The following PINX1 variants were observed in gnomAD, a reference collection of about 807,000 sequenced individuals.
PINX1 encodes the protein PIN2/TERF1-interacting telomerase inhibitor 1.
Under a neutral mutation model 25.4 loss-of-function variants are expected in PINX1, and 34 were observed. That is an observed-to-expected ratio of 1.34 (90% CI 1.02 to 1.78). PINX1 has a LOEUF of 1.78. Among genes scored for constraint, PINX1 ranks in the 40% most tolerant of loss-of-function variants. The probability of loss-of-function intolerance (pLI) is 0.00; values close to 1 mark genes in which losing one functional copy is unlikely to be tolerated. For missense variants in PINX1, 592 were observed against 404.9 expected, an observed-to-expected ratio of 1.46 and a Z score of -3.97; for synonymous variants, 197 against 147.7, an observed-to-expected ratio of 1.33 and a Z score of -2.42.
chr8:10,776,380 G>C (rs190979651), intron 6 of PINX1, among the ~76,000 whole-genome samples: 1 of 151,962 alleles, frequency 6.6e-6, no homozygotes, highest in Non-Finnish European at 1.5e-5. Flanking sequence ...AGCCGAAGTC[G>C]TGCCACTGCA....
intron 6 of PINX1, among the ~76,000 whole-genome samples, chr8:10,791,160 C>T (rs1381976876): frequency 6.6e-6 from 1 of 152,212 alleles, no homozygotes; most frequent in Admixed American, 6.5e-5. Flanking sequence ...GATCTGCCTG[C>T]CTCAGCCTTC....
At chr8:10,817,641 C>T (rs189622449) in intron 6 of PINX1, among the ~76,000 whole-genome samples, 54 of 152,286 alleles carry the variant, frequency 3.5e-4, no homozygotes, top group South Asian at 2.1e-3. Context: ...ACTGCCTAGA[C>T]GCGACCTCCT....
intron 4 of PINX1, among the ~76,000 whole-genome samples, chr8:10,828,192 T>C (rs1798115547): frequency 6.6e-6 from 1 of 152,220 alleles, no homozygotes; most frequent in Non-Finnish European, 1.5e-5. Context: ...AAACATTCTC[T>C]TCTGCAGCCA....
intron 6 of PINX1, among the ~76,000 whole-genome samples, chr8:10,780,885 C>T (rs1321636791): frequency 6.6e-6 from 1 of 152,054 alleles, no homozygotes; most frequent in Non-Finnish European, 1.5e-5. Context: ...CAAAAGACCT[C>T]GAATAACTGA....
At chr8:10,832,567 G>A (rs906510073) in intron 3 of PINX1, among the ~76,000 whole-genome samples, 18 of 152,092 alleles carry the variant, frequency 1.2e-4, no homozygotes, top group African/African-American at 3.6e-4. Flanking sequence ...TCAGAGATAC[G>A]GAACTAACCA....
At chr8:10,788,105 T>C (rs1337611862) in intron 6 of PINX1, among the ~76,000 whole-genome samples, 1 of 152,100 alleles carries the variant, frequency 6.6e-6, no homozygotes. Flanking sequence ...ATGTGATGTG[T>C]AGGAATTGCT....
chr8:10,817,333 G>A lies in PINX1; in HGVS notation c.471+2860C>T, dbSNP rs1047249485. Reference sequence around the variant, plus strand: ...ACAACATACAACATTCCCGCCAACTGAGGATGGGAGCCGAAAGAGGTTGTA... The same window carrying A: ...ACAACATACAACATTCCCGCCAACTAAGGATGGGAGCCGAAAGAGGTTGTA... On this transcript the variant is annotated intron_variant, in intron 6 of 6. Transcript: ENST00000314787. Among the ~76,000 whole-genome samples, 54 of 152,188 alleles carry A rather than the reference G, an allele frequency of 3.5e-4. 1 individual carries two copies. The highest frequency in any genetic ancestry group is 1.2e-3 in the African/African-American group (50 of 41,438).
intron 6 of PINX1, among the ~76,000 whole-genome samples, chr8:10,785,634 T>C (rs939961767): frequency 1.3e-5 from 2 of 152,218 alleles, no homozygotes; most frequent in Admixed American, 6.5e-5. Flanking sequence ...AGCTGTTTTT[T>C]CCTCTAGAAC....
chr8:10,836,980 C>A (rs1798424512), intron 1 of PINX1, among the ~76,000 whole-genome samples: 1 of 152,148 alleles, frequency 6.6e-6, no homozygotes, highest in South Asian at 2.1e-4. Flanking sequence ...CTTTGTAATT[C>A]TCATGCCACA....
chr8:10,793,508 G>A (rs1343413560), intron 6 of PINX1, among the ~76,000 whole-genome samples: 2 of 152,148 alleles, frequency 1.3e-5, no homozygotes, highest in Non-Finnish European at 2.9e-5. Context: ...ACGAATTTGT[G>A]TTGGGCCACA....
intron 6 of PINX1, among the ~76,000 whole-genome samples, chr8:10,791,945 T>C (rs1272990857): frequency 6.6e-6 from 1 of 152,144 alleles, no homozygotes; most frequent in East Asian, 1.9e-4. Flanking sequence ...ATGCCCCATC[T>C]CAGTCTCTCC....
In PINX1 at chr8:10,826,218, A is replaced by C; in HGVS notation, c.328T>G (p.Ser110Ala). 6.3e-7 allele frequency: 1 copy of C among 1,591,310 alleles called. No homozygotes were observed. The highest frequency in any genetic ancestry group is 8.6e-7 in the Non-Finnish European group (1 of 1,162,956). The change falls in exon 5 of 7, where the codon TCT (serine) becomes GCT (alanine). Residue 110 changes from serine (S) to alanine (A), a missense_variant. Ser to Ala is a moderately conservative substitution (Grantham distance 99). Coordinates refer to ENST00000314787, the MANE Select transcript of PINX1 (RefSeq NM_017884.6). ...TDSSDKKEKKSFSLEEKSKIS... is the reference protein window; with the variant it reads ...TDSSDKKEKKAFSLEEKSKIS... ...TTGGACTTTTCCTCAAGGCTAAAAGATTTCTTTTCCTTCTTGTCCGAGGAA... is the reference window on the plus strand; with the variant it reads ...TTGGACTTTTCCTCAAGGCTAAAAGCTTTCTTTTCCTTCTTGTCCGAGGAA...
chr8:10,805,122 T>C (rs779316723), intron 6 of PINX1, among the ~76,000 whole-genome samples: 19 of 152,272 alleles, frequency 1.2e-4, no homozygotes, highest in Non-Finnish European at 2.2e-4. Context: ...GAGGCCTGTC[T>C]CTCCTGGCAG....
chr8:10,832,047 A>G (rs780991803), intron 3 of PINX1, among the ~76,000 whole-genome samples: 18 of 152,238 alleles, frequency 1.2e-4, no homozygotes, highest in Non-Finnish European at 1.9e-4. Context: ...GCTAAATGTT[A>G]AAGTAAAACA....
chr8:10,822,448 A>C (rs1797907199), intron 5 of PINX1, among the ~76,000 whole-genome samples: 1 of 152,260 alleles, frequency 6.6e-6, no homozygotes, highest in African/African-American at 2.4e-5. Context: ...ATTAGTCTTC[A>C]ATGCGTAACA....
intron 2 of PINX1, chr8:10,834,448 T>C: frequency 1.6e-6 from 1 of 624,850 alleles, no homozygotes; most frequent in Non-Finnish European, 2.6e-6. Context: ...GCAATGTCTA[T>C]GAAAGATGCT....
At chr8:10,778,868 G>C (rs1407501366) in intron 6 of PINX1, among the ~76,000 whole-genome samples, 1 of 152,184 alleles carries the variant, frequency 6.6e-6, no homozygotes, top group Non-Finnish European at 1.5e-5. Context: ...AAGAGGGTGG[G>C]CTTTTACCCA....
intron 6 of PINX1, among the ~76,000 whole-genome samples, chr8:10,766,363 G>A (rs984548013): frequency 3.3e-5 from 5 of 152,210 alleles, no homozygotes; most frequent in Non-Finnish European, 7.3e-5. Context: ...TGGGTTACAT[G>A]GGCCCCTGTG....
chr8:10,798,818 G>A (rs969601287), intron 6 of PINX1, among the ~76,000 whole-genome samples: 2 of 152,122 alleles, frequency 1.3e-5, no homozygotes, highest in Non-Finnish European at 2.9e-5. Flanking sequence ...TTCTAGTGTC[G>A]AGCCAGAGCC....
Sources: allele counts gnomAD v4.1 joint callset (sites outside exome capture counted in the v4.1 genomes callset), GRCh38; gene constraint gnomAD v4.1.1; transcripts MANE v1.5; gene names NCBI Gene and HGNC (gene_info 2026-07-23, HGNC 2026-07-21).